The following ACER1 variants were observed in gnomAD, a reference collection of about 807,000 sequenced individuals.
The protein encoded by ACER1 is CTB-180A7.3.
ACER1 carries 28 observed loss-of-function variants against 24.9 expected under a neutral mutation model. The observed-to-expected ratio is 1.13, with a 90% CI of 0.83 to 1.54. The LOEUF (loss-of-function observed/expected upper bound fraction) is 1.54, where lower values mean the gene tolerates loss of function less well. ACER1 is among the 40% of genes most tolerant of loss of function. The pLI is 0.00. For synonymous variants in ACER1, 132 were observed against 131.4 expected (o/e 1.00, Z -0.03); for missense variants, 352 against 349.3 (o/e 1.01, Z -0.06).
intron 1 of ACER1, among the ~76,000 whole-genome samples, chr19:6,318,742 T>C (rs1296315925): frequency 3.3e-5 from 5 of 150,584 alleles, no homozygotes; most frequent in Admixed American, 2.0e-4. Flanking sequence ...GCTGAGATCG[T>C]GCCACTGCAC....
chr19:6,307,865 T>C (rs918896882), intron 4 of ACER1, among the ~76,000 whole-genome samples: 2 of 151,182 alleles, frequency 1.3e-5, no homozygotes, highest in African/African-American at 4.9e-5. Flanking sequence ...GGCAGGTGAA[T>C]CACTTCAGGC....
chr19:6,340,675 G>A, the ACER1 span, among the ~76,000 whole-genome samples: 2 of 152,152 alleles, frequency 1.3e-5, no homozygotes, highest in Non-Finnish European at 2.9e-5. Context: ...TTTAATAGCA[G>A]GCAGTAAGGT....
At chr19:6,317,939 G>C (rs1026989478) in intron 1 of ACER1, among the ~76,000 whole-genome samples, 50 of 151,924 alleles carry the variant, frequency 3.3e-4, no homozygotes, top group African/African-American at 9.4e-4. Context: ...ATTTTTAGTA[G>C]AGGCAGGGTT....
chr19:6,337,463 T>G (rs886220666), upstream of ACER1, among the ~76,000 whole-genome samples: 1 of 146,848 alleles, frequency 6.8e-6, no homozygotes, highest in South Asian at 2.2e-4. Flanking sequence ...TTTTTTTTCT[T>G]TTTTTTTTTG....
chr19:6,342,681 T>C, the ACER1 span, among the ~76,000 whole-genome samples: 2 of 148,524 alleles, frequency 1.3e-5, no homozygotes, highest in Non-Finnish European at 3.0e-5. Flanking sequence ...ATCGTGCCAC[T>C]GCACTCCAGT....
chr19:6,339,329 T>C, the ACER1 span, among the ~76,000 whole-genome samples: 1 of 152,100 alleles, frequency 6.6e-6, no homozygotes, highest in Admixed American at 6.6e-5. Context: ...TGGATGGACT[T>C]TGAGGACATC....
At chr19:6,311,778 T>G (rs2144998803) in intron 3 of ACER1, among the ~76,000 whole-genome samples, 1 of 150,876 alleles carries the variant, frequency 6.6e-6, no homozygotes, top group African/African-American at 2.4e-5. Flanking sequence ...CCAGGGGGTC[T>G]AAGCAGATCA....
At position 6,307,218 on chromosome 19, in the gene ACER1, C is replaced by G. The variant is rs201079840; in HGVS notation, c.561G>C (p.Trp187Cys). 8 of 1,614,112 alleles carry G rather than the reference C, an allele frequency of 5.0e-6. No homozygotes were observed. Among genetic ancestry groups the G allele is most frequent in the Non-Finnish European group, 6.8e-6 (8 of 1,180,028 alleles). ...AGCTGCAAAGCAGACGGTCACTGATCCAGCTGGTCAGAGCAACAGCCCATA... is the reference window on the plus strand; with the variant it reads ...AGCTGCAAAGCAGACGGTCACTGATGCAGCTGGTCAGAGCAACAGCCCATA... ...VVLWAVALTS[W>C]ISDRLLCSFW... The change falls in exon 5 of 6, where the codon TGG becomes TGC. Residue 187 changes from tryptophan (W) to cysteine (C), a missense_variant. By Grantham distance (215) the Trp-to-Cys change is radical (BLOSUM62 -2). Coordinates refer to ENST00000301452, the MANE Select transcript of ACER1 (RefSeq NM_133492.3).
the ACER1 span, among the ~76,000 whole-genome samples, chr19:6,342,401 A>T: frequency 6.6e-5 from 10 of 151,950 alleles, no homozygotes; most frequent in African/African-American, 1.4e-4. Context: ...CTCTAAAAAA[A>T]AATAATAATA....
At chr19:6,318,153 TA>T (rs1022278351) in intron 1 of ACER1, among the ~76,000 whole-genome samples, 1 of 147,284 alleles carries the variant, frequency 6.8e-6, no homozygotes, top group Non-Finnish European at 1.5e-5. Flanking sequence ...AACCCCGTCC[TA>T]AAAAAAACAA....
At chr19:6,318,403 AG>A (rs1384377217) in intron 1 of ACER1, among the ~76,000 whole-genome samples, 1 of 151,936 alleles carries the variant, frequency 6.6e-6, no homozygotes, top group Non-Finnish European at 1.5e-5. Flanking sequence ...TGGGAGGCAG[AG>A]GTTGCAGTGA....
At chr19:6,326,245 A>C (rs1352456388) in intron 1 of ACER1, among the ~76,000 whole-genome samples, 1 of 150,274 alleles carries the variant, frequency 6.7e-6, no homozygotes, top group Admixed American at 6.7e-5. Context: ...CTCCTGCCTC[A>C]GCCTCCCGAG....
At position 6,317,975 on chromosome 19, in the gene ACER1, G is replaced by A. The variant is rs576600545; in HGVS notation, c.94-5476C>T. On this transcript the variant is annotated intron_variant, in intron 1 of 5. Transcript: ENST00000301452. ...TCATCATATTGCCCAGGCTGGTCTC[G>A]AACTCCTGAACAAAGCAGATCCACT... Among the ~76,000 whole-genome samples, 3 of 151,758 alleles carry A rather than the reference G, an allele frequency of 2.0e-5. No individual in the cohort carries two copies. In the East Asian group the frequency reaches 5.8e-4, roughly 29 times the overall value.
At chr19:6,318,328 G>T (rs569447984) in intron 1 of ACER1, among the ~76,000 whole-genome samples, 1 of 152,006 alleles carries the variant, frequency 6.6e-6, no homozygotes, top group African/African-American at 2.4e-5. Context: ...AATTAGCCAG[G>T]TGCGGTGGCG....
At chr19:6,319,737 C>T (rs2091621065) in intron 1 of ACER1, among the ~76,000 whole-genome samples, 1 of 151,924 alleles carries the variant, frequency 6.6e-6, no homozygotes, top group Non-Finnish European at 1.5e-5. Context: ...GTGTTTTGCC[C>T]CCTCCCCACC....
chr19:6,352,735 T>A, the ACER1 span, among the ~76,000 whole-genome samples: 1 of 152,238 alleles, frequency 6.6e-6, no homozygotes, highest in African/African-American at 2.4e-5. Flanking sequence ...GTGTCAACTT[T>A]GTTCCCAGAG....
chr19:6,329,684 AC>A (rs762755778), intron 1 of ACER1, among the ~76,000 whole-genome samples: 6 of 151,864 alleles, frequency 4.0e-5, no homozygotes, highest in Non-Finnish European at 8.8e-5. Flanking sequence ...GGCTCAGGAC[AC>A]ACTTGAATCA....
At chr19:6,352,568 G>C in the ACER1 span, among the ~76,000 whole-genome samples, 1 of 152,192 alleles carries the variant, frequency 6.6e-6, no homozygotes, top group African/African-American at 2.4e-5. Context: ...TAAGTTTAGG[G>C]GCGGTTTGTT....
At chr19:6,329,767 G>A (rs2091678687) in intron 1 of ACER1, among the ~76,000 whole-genome samples, 2 of 152,042 alleles carry the variant, frequency 1.3e-5, no homozygotes, top group African/African-American at 4.8e-5. Context: ...ATACGGTGGT[G>A]CAGTAACAGG....
Sources: allele counts gnomAD v4.1 joint callset (sites outside exome capture counted in the v4.1 genomes callset), GRCh38; gene constraint gnomAD v4.1.1; transcripts MANE v1.5; gene names NCBI Gene and HGNC (gene_info 2026-07-23, HGNC 2026-07-21).